Variants in SMG6 observed in about 807,000 individuals in gnomAD.
SMG6 encodes the protein SMG6 nonsense mediated mRNA decay factor.
In SMG6, 66 loss-of-function variants were observed where a neutral mutation model predicts 142.2. The ratio of observed to expected loss-of-function variants is 0.46; its 90% CI spans 0.38 to 0.57. SMG6 has a LOEUF of 0.57. SMG6 is among the 20% of genes least tolerant of loss of function. SMG6 has a pLI of 0.00. For missense variants in SMG6, 1,793 were observed against 1,832.0 expected (o/e 0.98, Z 0.39); for synonymous variants, 779 against 702.4 (o/e 1.11, Z -1.72).
At chr17:2,095,573 G>C (rs77177872) in intron 13 of SMG6, among the ~76,000 whole-genome samples, 1 of 152,212 alleles carries the variant, frequency 6.6e-6, no homozygotes, top group Non-Finnish European at 1.5e-5. Context: ...TTGGGGGGTT[G>C]GGTGGCGTGG....
chr17:2,273,200 A>C (rs563260068), intron 8 of SMG6, among the ~76,000 whole-genome samples: 3 of 152,240 alleles, frequency 2.0e-5, no homozygotes, highest in African/African-American at 7.2e-5. Flanking sequence ...GGTGTCTTTA[A>C]ACAGAAACCC....
chr17:2,241,110 C>G (rs1325168208), intron 9 of SMG6, among the ~76,000 whole-genome samples: 3 of 152,144 alleles, frequency 2.0e-5, no homozygotes, highest in Non-Finnish European at 2.9e-5. Flanking sequence ...TGCCTAGAAT[C>G]CACATACATT....
At chr17:2,129,873 A>G (rs2070051124) in intron 13 of SMG6, among the ~76,000 whole-genome samples, 1 of 151,142 alleles carries the variant, frequency 6.6e-6, no homozygotes, top group Non-Finnish European at 1.5e-5. Flanking sequence ...CATTGCTATT[A>G]AAGTTAGAAA....
At chr17:2,259,718 G>T (rs1169278627) in intron 8 of SMG6, among the ~76,000 whole-genome samples, 1 of 149,254 alleles carries the variant, frequency 6.7e-6, no homozygotes, top group Non-Finnish European at 1.5e-5. Flanking sequence ...GTGTGCATTC[G>T]CACACTAATA....
At chr17:2,106,122 GAA>G (rs1567602245) in intron 13 of SMG6, among the ~76,000 whole-genome samples, 2 of 152,186 alleles carry the variant, frequency 1.3e-5, no homozygotes, top group African/African-American at 4.8e-5. Context: ...CTTCTCAGTG[GAA>G]AAACCAGGCT....
chr17:2,143,699 T>C (rs1567633189), intron 13 of SMG6, among the ~76,000 whole-genome samples: 1 of 152,140 alleles, frequency 6.6e-6, no homozygotes, highest in Non-Finnish European at 1.5e-5. Flanking sequence ...AATTGTGTAC[T>C]TTAAAAGGTT....
chr17:2,099,191 T>C (rs1445532696), intron 13 of SMG6, among the ~76,000 whole-genome samples: 3 of 152,092 alleles, frequency 2.0e-5, no homozygotes, highest in African/African-American at 4.8e-5. Flanking sequence ...GGTGCGGCCA[T>C]ACTGCCTATA....
chr17:2,090,442 A>C lies in SMG6; in HGVS notation c.3358-4541T>G, dbSNP rs1432033986. ...TAACACCTCAGGGCAGCCCCGGGGA[A>C]GGGAGAAAACCTCCAAATCTAGCCA... On this transcript the variant is annotated intron_variant, in intron 13 of 18. Transcript: ENST00000263073. Among the ~76,000 whole-genome samples the C allele has an allele frequency of 2.0e-5, 3 of 152,224 alleles. No individual in the cohort carries two copies. The East Asian group carries it at 5.8e-4, about 29-fold the overall frequency.
chr17:2,264,628 A>G (rs1335593407), intron 8 of SMG6, among the ~76,000 whole-genome samples: 1 of 152,210 alleles, frequency 6.6e-6, no homozygotes, highest in Non-Finnish European at 1.5e-5. Flanking sequence ...TAGGCTGGAC[A>G]CAGTGACTCA....
intron 1 of SMG6, among the ~76,000 whole-genome samples, chr17:2,301,623 A>G (rs777840816): frequency 1.3e-5 from 2 of 150,700 alleles, no homozygotes; most frequent in African/African-American, 2.4e-5. Context: ...TGGGTGGATC[A>G]CGAGGTCAGG....
chr17:2,289,589 A>G (rs889708270), intron 6 of SMG6, among the ~76,000 whole-genome samples: 2 of 152,110 alleles, frequency 1.3e-5, no homozygotes, highest in Non-Finnish European at 2.9e-5. Context: ...ATATGTGGGT[A>G]AGAGGATAAA....
chr17:2,249,503 G>A (rs908086291), intron 8 of SMG6, among the ~76,000 whole-genome samples: 1 of 151,816 alleles, frequency 6.6e-6, no homozygotes, highest in Admixed American at 6.6e-5. Context: ...TCACTTTGTT[G>A]CCCAGGCTGG....
intron 9 of SMG6, among the ~76,000 whole-genome samples, chr17:2,243,292 G>A (rs4790318): frequency 6.6e-6 from 1 of 152,078 alleles, no homozygotes; most frequent in African/African-American, 2.4e-5. Context: ...CGCCCGTGGA[G>A]CAGAGTTTCT....
chr17:2,296,461 C>T (rs542193279), intron 4 of SMG6, among the ~76,000 whole-genome samples: 3 of 152,282 alleles, frequency 2.0e-5, no homozygotes, highest in African/African-American at 7.2e-5. Context: ...GGGTCCCCAG[C>T]CCCCAGGCCG....
intron 9 of SMG6, among the ~76,000 whole-genome samples, chr17:2,244,392 T>C (rs1567713493): frequency 1.3e-5 from 2 of 152,170 alleles, no homozygotes; most frequent in Non-Finnish European, 1.5e-5. Context: ...CCAGAGGGAC[T>C]GGGGTGGGGG....
intron 13 of SMG6, among the ~76,000 whole-genome samples, chr17:2,128,660 C>T (rs908156455): frequency 6.6e-6 from 1 of 151,932 alleles, no homozygotes; most frequent in African/African-American, 2.4e-5. Context: ...CCCGTCTCTA[C>T]TAAAAATACA....
rs1277653643 is a variant in SMG6 at position 2,282,542 on chromosome 17, T to C, written c.2661+105A>G. On this transcript the variant is annotated intron_variant, in intron 8 of 18. Transcript: ENST00000263073. ...ATCAGGGAGCCTCAAGTGGTTTGTC[T>C]TCCTTGCAATCAGTGGGAAGTATCT... is the stretch of plus-strand genomic sequence containing the variant. 4 of 1,149,360 alleles carry C rather than the reference T, an allele frequency of 3.5e-6. No homozygotes were observed. In the African/African-American group the frequency reaches 6.1e-5, roughly 18 times the overall value. 71.2% of individuals were successfully genotyped at this position (1,149,360 alleles called of 1,614,324 possible). A position where few individuals can be genotyped will look rare whatever the true frequency, so the allele number is the denominator to read the frequency against.
intron 1 of SMG6, 106 bp from the exon 2 acceptor site, chr17:2,300,770 G>C (rs1234203603): frequency 6.7e-6 from 7 of 1,039,084 alleles, no homozygotes; most frequent in Admixed American, 2.9e-5. Flanking sequence ...AAAAAGTCGA[G>C]CAAGAATTAC....
chr17:2,207,451 A>C (rs986730515), intron 10 of SMG6, among the ~76,000 whole-genome samples: 17 of 152,202 alleles, frequency 1.1e-4, no homozygotes, highest in Non-Finnish European at 1.6e-4. Context: ...GGGTCAGAGA[A>C]ACCCAAATGC....
Sources: gnomAD v4.1 joint callset for allele counts (sites outside exome capture counted in the v4.1 genomes callset) on GRCh38, gnomAD v4.1.1 for gene constraint, MANE v1.5 for transcripts, NCBI Gene and HGNC (gene_info 2026-07-23, HGNC 2026-07-21) for gene names.